The following OXSR1 variants were observed in gnomAD, a reference collection of about 807,000 sequenced individuals.
OXSR1 encodes the protein oxidative stress responsive kinase 1, also known as serine/threonine-protein kinase OSR1.
A neutral mutation model predicts 79.8 loss-of-function variants in OXSR1; 24 were observed. The ratio of observed to expected loss-of-function variants is 0.30; its 90% CI spans 0.22 to 0.42. OXSR1 has a LOEUF of 0.42. Ranked by LOEUF, OXSR1 falls within the 10% of genes least tolerant of loss-of-function variation. The pLI is 1.00. For synonymous variants in OXSR1, 226 were observed against 209.2 expected (o/e 1.08, Z -0.69); for missense variants, 430 against 618.4 (o/e 0.70, Z 3.23).
At chr3:38,245,875 C>T (rs1703131115) in intron 12 of OXSR1, among the ~76,000 whole-genome samples, 200 bp from the exon 13 acceptor site, 1 of 152,104 alleles carries the variant, frequency 6.6e-6, no homozygotes, top group South Asian at 2.1e-4. Context: ...TAAATTATAC[C>T]TCACAGAGTT....
chr3:38,252,829 G>C lies in OXSR1; in HGVS notation c.1522G>C (p.Glu508Gln), dbSNP rs191643511. Residue 508 changes from glutamate (E) to glutamine (Q), a missense_variant, in exon 18 of 18, where the codon GAA becomes CAA. Around this residue, in one of 3 missense-constraint regions of OXSR1, gnomAD observed 276 missense variants for 354.2 expected, o/e 0.78. Transcript: ENST00000311806. Reference sequence around the variant, plus strand: ...GTTTGGTTCTTAGGCATCTGGTGTCGAAGGCTCAGATATTCCTGATGATGG... The same window carrying C: ...GTTTGGTTCTTAGGCATCTGGTGTCCAAGGCTCAGATATTCCTGATGATGG... Reference protein sequence around the residue: ...SVTFKLASGVEGSDIPDDGKL... With the variant: ...SVTFKLASGVQGSDIPDDGKL... 1.2e-6 allele frequency: 2 copies of C among 1,612,774 alleles called. No individual in the cohort carries two copies. The highest frequency in any genetic ancestry group is 2.7e-5 in the African/African-American group (2 of 74,812).
intron 3 of OXSR1, among the ~76,000 whole-genome samples, chr3:38,195,193 G>A (rs1307397631): frequency 6.6e-6 from 1 of 152,138 alleles, no homozygotes; most frequent in Middle Eastern, 3.2e-3. Flanking sequence ...AGAAATCAAA[G>A]TAATTAAGAA....
chr3:38,203,018 A>G (rs1702191784), intron 4 of OXSR1, among the ~76,000 whole-genome samples: 1 of 152,212 alleles, frequency 6.6e-6, no homozygotes, highest in African/African-American at 2.4e-5. Flanking sequence ...CCGGAGGCCT[A>G]AACCCCTCCC....
intron 10 of OXSR1, among the ~76,000 whole-genome samples, chr3:38,231,234 TTAA>T (rs1429768972): frequency 6.6e-6 from 1 of 152,220 alleles, no homozygotes; most frequent in Non-Finnish European, 1.5e-5. Flanking sequence ...AATGATATTC[TTAA>T]TAAGCACTGG....
chr3:38,250,547 G>A (rs1272279570), intron 15 of OXSR1, among the ~76,000 whole-genome samples: 2 of 152,130 alleles, frequency 1.3e-5, no homozygotes, highest in Non-Finnish European at 2.9e-5. Context: ...GTTTCTGGCT[G>A]TTGAACTTCA....
At position 38,220,214 on chromosome 3, in the gene OXSR1, ACAAG is replaced by A. The variant is rs1178708132; in HGVS notation, c.491-1360_491-1357del. Among the ~76,000 whole-genome samples the A allele has an allele frequency of 3.3e-5, 5 of 152,172 alleles. No individual in the cohort carries two copies. In the East Asian group the frequency reaches 9.6e-4, roughly 29 times the overall value. On this transcript the variant is annotated intron_variant, in intron 5 of 17. Transcript: ENST00000311806. ...GCTATTTTTAAACTGTACTGTATAG[ACAAG>A]CAATTATTTCAAATAATTGTTTGAA...
intron 4 of OXSR1, among the ~76,000 whole-genome samples, chr3:38,203,006 A>T (rs1702191523): frequency 2.0e-5 from 3 of 152,194 alleles, no homozygotes; most frequent in Non-Finnish European, 4.4e-5. Flanking sequence ...GCCTGCAGTC[A>T]TCCGGAGGCC....
At chr3:38,177,089 A>T (rs570613441) in intron 1 of OXSR1, among the ~76,000 whole-genome samples, 2 of 152,264 alleles carry the variant, frequency 1.3e-5, no homozygotes, top group Non-Finnish European at 2.9e-5. Context: ...CAGTGAACAC[A>T]TCTGCATATT....
At chr3:38,172,945 C>G (rs1160897670) in intron 1 of OXSR1, among the ~76,000 whole-genome samples, 2 of 152,210 alleles carry the variant, frequency 1.3e-5, no homozygotes, top group Non-Finnish European at 2.9e-5. Flanking sequence ...GCAGGTGACT[C>G]TCCTTCTCAT....
At chr3:38,167,222 C>G (rs1701484149) in intron 1 of OXSR1, among the ~76,000 whole-genome samples, 1 of 152,078 alleles carries the variant, frequency 6.6e-6, no homozygotes, top group South Asian at 2.1e-4. Context: ...TGAAGGGGGT[C>G]CAGGAATACC....
In OXSR1 at chr3:38,206,882, C is replaced by T. The variant is rs75294116; in HGVS notation, c.434+8019C>T. Among the ~76,000 whole-genome samples the T allele has an allele frequency of 3.6e-4, 55 of 152,272 alleles. No individual in the cohort carries two copies. In the East Asian group the frequency reaches 9.6e-3, roughly 27 times the overall value. ...CTGTCACTAATTGGGTGACCTCTGG[C>T]AAGTTATTTAATCTCTCTTTTGCCT... On this transcript the variant is annotated intron_variant, in intron 4 of 17. Coordinates refer to ENST00000311806, the MANE Select transcript of OXSR1 (RefSeq NM_005109.3).
chr3:38,236,502 G>T (rs1400789171), intron 10 of OXSR1, among the ~76,000 whole-genome samples: 1 of 150,510 alleles, frequency 6.6e-6, no homozygotes, highest in African/African-American at 2.4e-5. Context: ...TAAATCTTGG[G>T]TTTATTCATT....
intron 4 of OXSR1, 127 bp from the exon 5 acceptor site, chr3:38,215,969 C>A: frequency 1.5e-6 from 1 of 659,428 alleles, no homozygotes. Context: ...GTCTTAATAT[C>A]CTTTAATATA....
intron 1 of OXSR1, among the ~76,000 whole-genome samples, chr3:38,173,511 CCTAT>C (rs1247044149): frequency 6.6e-6 from 1 of 152,034 alleles, no homozygotes; most frequent in African/African-American, 2.4e-5. Context: ...ACCATGAATA[CCTAT>C]CACATGGAAT....
intron 2 of OXSR1, among the ~76,000 whole-genome samples, chr3:38,185,220 C>T (rs1338816475): frequency 2.0e-5 from 3 of 151,818 alleles, no homozygotes; most frequent in Admixed American, 6.6e-5. Flanking sequence ...CTCACTAAAG[C>T]GACACAAAGA....
chr3:38,243,142 TTCCACCTCAGCC>T, intron 12 of OXSR1, among the ~76,000 whole-genome samples: 1 of 152,026 alleles, frequency 6.6e-6, no homozygotes, highest in South Asian at 2.1e-4. Flanking sequence ...CAAGTGATCC[TTCCACCTCAGCC>T]TCCTGGGTAG....
intron 1 of OXSR1, among the ~76,000 whole-genome samples, chr3:38,167,592 A>G (rs1575299345): frequency 6.6e-6 from 1 of 152,226 alleles, no homozygotes; most frequent in African/African-American, 2.4e-5. Context: ...TTTTAAGACA[A>G]TCTGGGCTTA....
intron 1 of OXSR1, among the ~76,000 whole-genome samples, chr3:38,168,566 A>G (rs1344757916): frequency 6.6e-6 from 1 of 152,210 alleles, no homozygotes; most frequent in African/African-American, 2.4e-5. Context: ...TGTACAATTC[A>G]ATAATCTTTT....
intron 6 of OXSR1, among the ~76,000 whole-genome samples, chr3:38,223,196 T>C (rs1702622618): frequency 6.6e-6 from 1 of 152,100 alleles, no homozygotes; most frequent in Non-Finnish European, 1.5e-5. Flanking sequence ...AGTGCAGTGG[T>C]GCCATCATGG....
Sources: gnomAD v4.1 joint callset for allele counts (sites outside exome capture counted in the v4.1 genomes callset) on GRCh38, gnomAD v4.1.1 for gene constraint, gnomAD v4.1.1 regional missense constraint, MANE v1.5 for transcripts, NCBI Gene and HGNC (gene_info 2026-07-23, HGNC 2026-07-21) for gene names.